KCNH1: variants seen among roughly 807,000 people sequenced by gnomAD.
KCNH1 encodes voltage-gated delayed rectifier potassium channel KCNH1.
A neutral mutation model predicts 69.2 loss-of-function variants in KCNH1; 27 were observed. That is an observed-to-expected ratio of 0.39 (90% CI 0.29 to 0.54). The LOEUF is 0.54. Ranked by LOEUF, KCNH1 falls within the 20% of genes least tolerant of loss-of-function variation. The pLI is 0.68. For synonymous variants in KCNH1, 456 were observed against 487.7 expected, an observed-to-expected ratio of 0.93 and a Z score of 0.86; for missense variants, 798 against 1,261.6, an observed-to-expected ratio of 0.63 and a Z score of 5.57.
intron 7 of KCNH1, among the ~76,000 whole-genome samples, chr1:210,850,244 AT>A (rs1685669428): frequency 6.6e-6 from 1 of 152,142 alleles, no homozygotes; most frequent in South Asian, 2.1e-4. Flanking sequence ...CAGGCCTGTA[AT>A]CCCATCCTTT....
chr1:210,950,297 C>A (rs1340600493), intron 6 of KCNH1, among the ~76,000 whole-genome samples: 30 of 149,758 alleles, frequency 2.0e-4, no homozygotes, highest in Admixed American at 1.5e-3. Flanking sequence ...TATACATGTG[C>A]CATGCTGGTG....
intron 7 of KCNH1, among the ~76,000 whole-genome samples, chr1:210,823,380 G>A (rs969676656): frequency 9.2e-5 from 14 of 152,212 alleles, no homozygotes; most frequent in Admixed American, 7.9e-4. Context: ...CCTTCCTGAG[G>A]TTGAAGACTC....
At chr1:210,705,473 G>A (rs1574194538) in intron 10 of KCNH1, among the ~76,000 whole-genome samples, 1 of 152,292 alleles carries the variant, frequency 6.6e-6, no homozygotes. Flanking sequence ...AGAGTCTTGG[G>A]GCTGGCTGTC....
intron 7 of KCNH1, among the ~76,000 whole-genome samples, chr1:210,891,553 A>G (rs1488469749): frequency 6.6e-6 from 1 of 151,178 alleles, no homozygotes; most frequent in Non-Finnish European, 1.5e-5. Context: ...AAAAAAAAAA[A>G]GTCAGGAAAC....
intron 6 of KCNH1, among the ~76,000 whole-genome samples, chr1:211,000,997 T>A (rs1689166201): frequency 6.6e-6 from 1 of 152,004 alleles, no homozygotes; most frequent in African/African-American, 2.4e-5. Context: ...CCTTATACCT[T>A]ATATGAACAT....
chr1:211,060,100 A>G (rs1439472113), intron 5 of KCNH1, among the ~76,000 whole-genome samples: 4 of 152,184 alleles, frequency 2.6e-5, no homozygotes, highest in Non-Finnish European at 5.9e-5. Context: ...CTATACAAAC[A>G]CATGGAAATT....
chr1:210,902,268 A>G (rs1049508777), intron 7 of KCNH1, among the ~76,000 whole-genome samples: 1 of 152,244 alleles, frequency 6.6e-6, no homozygotes, highest in African/African-American at 2.4e-5. Context: ...TTCCTTTAGT[A>G]AAATAATTCC....
At chr1:210,889,096 A>C (rs1171964747) in intron 7 of KCNH1, among the ~76,000 whole-genome samples, 1 of 152,192 alleles carries the variant, frequency 6.6e-6, no homozygotes, top group Non-Finnish European at 1.5e-5. Context: ...GCAGAGACAC[A>C]ACAAAAAAAG....
chr1:210,905,198 G>A (rs149058670), intron 7 of KCNH1, among the ~76,000 whole-genome samples: 2 of 152,274 alleles, frequency 1.3e-5, no homozygotes, highest in African/African-American at 2.4e-5. Context: ...CCACTTCCTA[G>A]CTGATTTTAG....
At chr1:210,708,968 G>GA (rs1264744890) in intron 10 of KCNH1, among the ~76,000 whole-genome samples, 1 of 152,058 alleles carries the variant, frequency 6.6e-6, no homozygotes, top group Non-Finnish European at 1.5e-5. Flanking sequence ...TATAAAAAGG[G>GA]AAAACTTTGG....
chr1:211,092,510 C>T (rs1313007265), intron 3 of KCNH1, among the ~76,000 whole-genome samples: 4 of 152,130 alleles, frequency 2.6e-5, no homozygotes, highest in Non-Finnish European at 4.4e-5. Flanking sequence ...TTTTTAGCTG[C>T]CAGTTTCTAT....
chr1:210,718,363 T>TA (rs57631997), intron 10 of KCNH1, among the ~76,000 whole-genome samples: 1 of 4,132 alleles, frequency 2.4e-4, no homozygotes, highest in Non-Finnish European at 6.6e-4. Context: ...TACATATATT[T>TA]ATATATAAAT....
chr1:210,985,935 G>A (rs1041324769), intron 6 of KCNH1, among the ~76,000 whole-genome samples: 28 of 152,062 alleles, frequency 1.8e-4, no homozygotes, highest in South Asian at 6.2e-4. Flanking sequence ...TTTCTAGGTC[G>A]CTAAGGACTT....
At chr1:210,975,807 A>T (rs1688596762) in intron 6 of KCNH1, among the ~76,000 whole-genome samples, 2 of 152,236 alleles carry the variant, frequency 1.3e-5, no homozygotes, top group Non-Finnish European at 2.9e-5. Flanking sequence ...ATCAGAGTGA[A>T]CAGGCAACCT....
At chr1:211,008,818 G>A (rs115362619) in intron 6 of KCNH1, among the ~76,000 whole-genome samples, 1,980 of 152,232 alleles carry the variant, frequency 0.013, 48 homozygotes, top group African/African-American at 0.045. Context: ...TATATATTTT[G>A]TACCTCAGTT....
At chr1:211,013,165 G>C (rs1167999583) in intron 6 of KCNH1, among the ~76,000 whole-genome samples, 2 of 152,182 alleles carry the variant, frequency 1.3e-5, no homozygotes, top group Non-Finnish European at 2.9e-5. Context: ...CACAGGTAAG[G>C]ACTGACAGCC....
chr1:211,088,620 T>C (rs4951501), intron 4 of KCNH1, among the ~76,000 whole-genome samples: 13,706 of 152,284 alleles, frequency 0.09, 897 homozygotes, highest in South Asian at 0.17. Context: ...GATAGACTTA[T>C]AAAGCCATGT....
chr1:211,047,243 C>A (rs568963308), intron 5 of KCNH1, among the ~76,000 whole-genome samples: 15 of 152,276 alleles, frequency 9.9e-5, no homozygotes, highest in African/African-American at 3.6e-4. Context: ...TTATACTACA[C>A]CACACGAATA....
At chr1:211,028,257 G>C (rs1689719437) in intron 5 of KCNH1, among the ~76,000 whole-genome samples, 1 of 151,894 alleles carries the variant, frequency 6.6e-6, no homozygotes, top group African/African-American at 2.4e-5. Context: ...AGTGGCAAGG[G>C]AAACTTTTAT....
Sources: gnomAD v4.1 joint callset for allele counts (sites outside exome capture counted in the v4.1 genomes callset) on GRCh38, gnomAD v4.1.1 for gene constraint, MANE v1.5 for transcripts, NCBI Gene and HGNC (gene_info 2026-07-23, HGNC 2026-07-21) for gene names.